Variants in SH3PXD2A observed in about 807,000 individuals in gnomAD.
SH3PXD2A encodes SH3 and PX domains 2A.
Under a neutral mutation model 115.2 loss-of-function variants are expected in SH3PXD2A, and 32 were observed. That is an observed-to-expected ratio of 0.28 (90% CI 0.21 to 0.37). SH3PXD2A has a LOEUF of 0.37. Ranked by LOEUF, SH3PXD2A falls within the 10% of genes least tolerant of loss-of-function variation. SH3PXD2A has a pLI of 1.00. For missense variants in SH3PXD2A, 1,328 were observed against 1,498.7 expected (o/e 0.89, Z 1.88); for synonymous variants, 610 against 629.1 (o/e 0.97, Z 0.45).
Position 103,601,749 on chromosome 10 carries a change from C to A in SH3PXD2A, c.*67G>T. 2.5e-6 allele frequency: 1 copy of A among 398,174 alleles called. No individual in the cohort carries two copies. The highest frequency in any genetic ancestry group is 3.7e-6 in the Non-Finnish European group (1 of 267,660). 24.7% of individuals were successfully genotyped at this position (398,174 alleles called of 1,614,324 possible). On this transcript the variant is annotated 3_prime_UTR_variant, in exon 15 of 15. Coordinates refer to ENST00000369774, the MANE Select transcript of SH3PXD2A (RefSeq NM_001394015.1). ...CCCATTTTTTCCTTTCCCTTTTGTT[C>A]GTCTCACCGCTCATCCAGTGGGCGG...
rs757043804 is a variant in SH3PXD2A at position 103,602,268 on chromosome 10, C to T, written c.2950G>A (p.Val984Met). 1 of 1,612,646 alleles carries T rather than the reference C, an allele frequency of 6.2e-7. No homozygotes were observed. Among genetic ancestry groups the T allele is most frequent in the Admixed American group, 1.7e-5 (1 of 59,914 alleles). The change falls in exon 15 of 15, where the codon GTG (valine) becomes ATG (methionine). Residue 984 changes from valine (V) to methionine (M), a missense_variant. This residue lies in a region of SH3PXD2A where 574 missense variants were observed against 565.7 expected (regional missense o/e 1.01). Transcript: ENST00000369774. ...QVAVRPQSVF[V>M]SPPPKDNNLS... ...TTGTTGTCCTTGGGTGGCGGGGACA[C>T]AAACACCGACTGGGGCCTGACCGCC...
At chr10:103,624,218 A>G (rs1034041153) in intron 9 of SH3PXD2A, among the ~76,000 whole-genome samples, 6 of 152,214 alleles carry the variant, frequency 3.9e-5, no homozygotes, top group Admixed American at 3.9e-4. Context: ...GGGAGGGAAC[A>G]GGGTCTGGGT....
At position 103,602,228 on chromosome 10, in the gene SH3PXD2A, A is replaced by G; in HGVS notation, c.2990T>C (p.Leu997Pro). 6.3e-7 allele frequency: 1 copy of G among 1,599,192 alleles called. No homozygotes were observed. Among genetic ancestry groups the G allele is most frequent in the African/African-American group, 1.3e-5 (1 of 74,706 alleles). The change falls in exon 15 of 15, where the codon CTG (leucine) becomes CCG (proline). Residue 997 changes from leucine to proline, a missense_variant. Physicochemically the swap from Leu to Pro is moderately conservative, Grantham distance 98 (BLOSUM62 -3). Transcript: ENST00000369774. ...PPKDNNLSCA[L>P]RRNESLTATD... ...GGCCGTGAGTGACTCATTCCTCCGC[A>G]GGGCGCAGGACAGGTTGTTGTCCTT...
chr10:103,845,134 G>A (rs1251090392), intron 1 of SH3PXD2A, among the ~76,000 whole-genome samples: 1 of 151,570 alleles, frequency 6.6e-6, no homozygotes, highest in Non-Finnish European at 1.5e-5. Context: ...GATCAGCCTG[G>A]CCAACACTGT....
At chr10:103,852,293 C>T (rs1405583974) in intron 1 of SH3PXD2A, among the ~76,000 whole-genome samples, 1 of 152,240 alleles carries the variant, frequency 6.6e-6, no homozygotes, top group Non-Finnish European at 1.5e-5. Flanking sequence ...AAGCACAGGA[C>T]CCTTCGTGTT....
intron 1 of SH3PXD2A, among the ~76,000 whole-genome samples, chr10:103,824,265 G>A (rs2039408424): frequency 6.6e-6 from 1 of 152,224 alleles, no homozygotes; most frequent in Non-Finnish European, 1.5e-5. Flanking sequence ...GGGAAGGCAT[G>A]AGGAAGGGCA....
At chr10:103,622,430 C>T (rs758510943) in intron 10 of SH3PXD2A, 40 bp downstream of exon 10, 4 of 1,302,786 alleles carry the variant, frequency 3.1e-6, no homozygotes, top group Non-Finnish European at 4.3e-6. Flanking sequence ...GAGAGACAGG[C>T]GGTCGCTGCG....
chr10:103,797,503 G>A (rs2039103803), intron 2 of SH3PXD2A, among the ~76,000 whole-genome samples: 1 of 152,120 alleles, frequency 6.6e-6, no homozygotes, highest in East Asian at 1.9e-4. Flanking sequence ...TTAATGCCAT[G>A]AGTCACCCCA....
In SH3PXD2A at chr10:103,602,852, C is replaced by T. The variant is rs748404899; in HGVS notation, c.2366G>A (p.Arg789His). Residue 789 changes from arginine (R) to histidine (H), a missense_variant, in exon 15 of 15, where the codon CGT becomes CAT. Physicochemically the swap from Arg to His is conservative, Grantham distance 29. This residue lies in a region of SH3PXD2A where 574 missense variants were observed against 565.7 expected (regional missense o/e 1.01). Transcript: ENST00000369774. ...RRQLRPTGQL[R>H]GGLKGSKSED... is the part of the protein sequence containing the mutation. ...ACTCTTGGAGCCCTTGAGCCCTCCA[C>T]GGAGCTGGCCTGTGGGTCTCAGCTG... The T allele has an allele frequency of 3.4e-5, 55 of 1,613,970 alleles. No homozygotes were observed. The highest frequency in any genetic ancestry group is 8.9e-5 in the East Asian group (4 of 44,888).
At chr10:103,803,969 G>C (rs1278729548) in intron 1 of SH3PXD2A, among the ~76,000 whole-genome samples, 1 of 152,164 alleles carries the variant, frequency 6.6e-6, no homozygotes, top group African/African-American at 2.4e-5. Flanking sequence ...CAGGTCATAG[G>C]TGGATTTAAA....
At chr10:103,850,808 T>C (rs1375835485) in intron 1 of SH3PXD2A, among the ~76,000 whole-genome samples, 1 of 152,158 alleles carries the variant, frequency 6.6e-6, no homozygotes, top group Non-Finnish European at 1.5e-5. Context: ...ATTGACCGAT[T>C]GGGTCCTAAA....
At chr10:103,644,786 C>T (rs1420094194) in intron 8 of SH3PXD2A, among the ~76,000 whole-genome samples, 1 of 152,168 alleles carries the variant, frequency 6.6e-6, no homozygotes, top group African/African-American at 2.4e-5. Flanking sequence ...TCTTTCACAG[C>T]TGGCCTTTCC....
intron 9 of SH3PXD2A, among the ~76,000 whole-genome samples, chr10:103,624,235 G>T (rs2036655767): frequency 6.6e-6 from 1 of 152,256 alleles, no homozygotes; most frequent in Non-Finnish European, 1.5e-5. Context: ...GGGTGCTGGG[G>T]GATCTGCTCA....
Position 103,771,573 on chromosome 10 carries a change from T to C in SH3PXD2A, c.154-4404A>G, listed in dbSNP as rs115627498. ...TCACAGACCAGCCTGCGAAACCCCATCTCTACTAAAAAAAAGTACAAAAAT... is the reference window on the plus strand; with the variant it reads ...TCACAGACCAGCCTGCGAAACCCCACCTCTACTAAAAAAAAGTACAAAAAT... On this transcript the variant is annotated intron_variant, in intron 2 of 14. Coordinates refer to ENST00000369774, the MANE Select transcript of SH3PXD2A (RefSeq NM_001394015.1). 6.8e-3 allele frequency among the ~76,000 whole-genome samples: 1,038 copies of C among 151,822 alleles called. 10 individuals carry two copies. Among genetic ancestry groups the C allele is most frequent in the African/African-American group, 0.024 (993 of 41,382 alleles).
rs533143591 is a variant in SH3PXD2A, at chr10:103,603,091, A to AGAGGAG, written c.2121_2126dup (p.Ser709_Ser710dup). ...GGTCGCCACTGGTTTTGGACAAGGAAGAGGAGGAGGAGGAAGAGGAGGAGC... is the reference window on the plus strand; with the variant it reads ...GGTCGCCACTGGTTTTGGACAAGGAAGAGGAGGAGGAGGAGGAGGAAGAGGAGGAGC... On this transcript the variant is annotated inframe_insertion, in exon 15 of 15. Coordinates refer to ENST00000369774, the MANE Select transcript of SH3PXD2A (RefSeq NM_001394015.1). 2 of 1,613,178 alleles carry AGAGGAG rather than the reference A, an allele frequency of 1.2e-6. No homozygotes were observed. The highest frequency in any genetic ancestry group is 1.1e-5 in the South Asian group (1 of 91,064).
At chr10:103,828,350 C>T (rs182185756) in intron 1 of SH3PXD2A, among the ~76,000 whole-genome samples, 3 of 152,296 alleles carry the variant, frequency 2.0e-5, no homozygotes, top group South Asian at 2.1e-4. Flanking sequence ...TACCACCACT[C>T]CTCAAATGAG....
chr10:103,682,756 CAAA>C (rs10706432), intron 6 of SH3PXD2A, among the ~76,000 whole-genome samples: 3 of 138,308 alleles, frequency 2.2e-5, no homozygotes, highest in African/African-American at 5.3e-5. Flanking sequence ...GATTCCGTCT[CAAA>C]AAAAAAAAAA....
chr10:103,836,581 A>G (rs996798960), intron 1 of SH3PXD2A, among the ~76,000 whole-genome samples: 1 of 150,584 alleles, frequency 6.6e-6, no homozygotes, highest in African/African-American at 2.5e-5. Context: ...CAACACATCC[A>G]ACACACACAG....
intron 1 of SH3PXD2A, among the ~76,000 whole-genome samples, chr10:103,812,636 C>T (rs966957763): frequency 3.3e-5 from 5 of 152,194 alleles, no homozygotes; most frequent in Non-Finnish European, 7.3e-5. Flanking sequence ...TTAACACACA[C>T]AGCTTGGTTT....
Sources: allele counts gnomAD v4.1 joint callset (sites outside exome capture counted in the v4.1 genomes callset), GRCh38; gene constraint gnomAD v4.1.1; regional missense constraint gnomAD v4.1.1; transcripts MANE v1.5; gene names NCBI Gene and HGNC (gene_info 2026-07-23, HGNC 2026-07-21).